Variants in HS3ST5 observed in about 807,000 individuals in gnomAD.
The protein encoded by HS3ST5 is heparan sulfate glucosamine 3-O-sulfotransferase 5.
In HS3ST5, 10 loss-of-function variants were observed where a neutral mutation model predicts 25.4. That is an observed-to-expected ratio of 0.39 (90% confidence interval 0.24 to 0.67). HS3ST5 has a LOEUF of 0.67. HS3ST5 is among the 30% of genes least tolerant of loss of function. The pLI, the probability that HS3ST5 is intolerant of heterozygous loss-of-function variation, is 0.44. For synonymous variants in HS3ST5, 170 were observed against 162.4 expected (o/e 1.05, Z -0.36); for missense variants, 324 against 420.7 (o/e 0.77, Z 2.01).
chr6:114,118,099 T>A (rs957871873), intron 3 of HS3ST5, among the ~76,000 whole-genome samples: 11 of 152,324 alleles, frequency 7.2e-5, no homozygotes, highest in East Asian at 5.8e-4. Flanking sequence ...AGAGGCCTTC[T>A]TTGCATAGCA....
chr6:114,290,516 C>T (rs1383841183), intron 1 of HS3ST5, among the ~76,000 whole-genome samples: 1 of 152,098 alleles, frequency 6.6e-6, no homozygotes, highest in East Asian at 1.9e-4. Flanking sequence ...GAGAAGATCA[C>T]ACAGAAACCG....
chr6:114,296,762 T>C (rs997001999), intron 1 of HS3ST5, among the ~76,000 whole-genome samples: 3 of 152,118 alleles, frequency 2.0e-5, no homozygotes, highest in Admixed American at 2.0e-4. Context: ...AAACAAATGA[T>C]ACTCAAGACG....
chr6:114,292,939 T>G (rs1416405106), intron 1 of HS3ST5, among the ~76,000 whole-genome samples: 4 of 146,632 alleles, frequency 2.7e-5, no homozygotes, highest in African/African-American at 1.1e-4. Context: ...TATTTTTTGT[T>G]TTTTTTTTTC....
intron 1 of HS3ST5, among the ~76,000 whole-genome samples, chr6:114,247,550 A>G (rs1404671220): frequency 6.6e-6 from 1 of 152,108 alleles, no homozygotes; most frequent in African/African-American, 2.4e-5. Flanking sequence ...TCAATTTATA[A>G]ATCACAAATT....
At chr6:114,307,165 A>G (rs1775331099) in intron 1 of HS3ST5, among the ~76,000 whole-genome samples, 1 of 152,218 alleles carries the variant, frequency 6.6e-6, no homozygotes, top group African/African-American at 2.4e-5. Flanking sequence ...CAAACTTTGT[A>G]GGCACTAAGA....
At chr6:114,296,126 A>G (rs930511695) in intron 1 of HS3ST5, among the ~76,000 whole-genome samples, 9 of 152,160 alleles carry the variant, frequency 5.9e-5, no homozygotes, top group African/African-American at 2.2e-4. Flanking sequence ...GAGTGCAAAA[A>G]TAGCAGAAGT....
At chr6:114,261,071 CA>C (rs979435030) in intron 1 of HS3ST5, among the ~76,000 whole-genome samples, 2 of 152,060 alleles carry the variant, frequency 1.3e-5, no homozygotes, top group African/African-American at 2.4e-5. Context: ...TCGAGTATGA[CA>C]GGGGCAGAAA....
At chr6:114,277,267 G>C (rs1773901234) in intron 1 of HS3ST5, among the ~76,000 whole-genome samples, 1 of 151,132 alleles carries the variant, frequency 6.6e-6, no homozygotes, top group African/African-American at 2.4e-5. Context: ...TAACCCAAGA[G>C]TGGCTCTTCT....
rs112243354 is a variant in HS3ST5, at chr6:114,084,676, A to T, written c.-32-21799T>A. The T allele has an allele frequency of 3.8e-3, 4,654 of 1,237,998 alleles. 44 individuals are homozygous for T. Among genetic ancestry groups the T allele is most frequent in the African/African-American group, 0.03 (2,010 of 67,662 alleles). The allele number at this position is 1,237,998 out of a possible 1,614,324, so 76.7% of individuals were successfully genotyped here. A position where few individuals can be genotyped will look rare whatever the true frequency, so the allele number is the denominator to read the frequency against. On this transcript the variant is annotated intron_variant, in intron 3 of 4. Coordinates refer to ENST00000312719, the MANE Select transcript of HS3ST5 (RefSeq NM_153612.4). ...GAGGCTGATGGTCAGCCCTGGGGTC[A>T]GTAACCACAAGAAGCCGTGGCTCCT...
At chr6:114,121,531 G>C (rs1776784873) in intron 3 of HS3ST5, among the ~76,000 whole-genome samples, 1 of 151,714 alleles carries the variant, frequency 6.6e-6, no homozygotes, top group African/African-American at 2.4e-5. Context: ...GTAATATCTT[G>C]GTTTGTGACT....
chr6:114,322,133 TTC>T (rs1775994199), intron 1 of HS3ST5, among the ~76,000 whole-genome samples: 1 of 152,168 alleles, frequency 6.6e-6, no homozygotes, highest in African/African-American at 2.4e-5. Flanking sequence ...CTTTCAGAAT[TTC>T]TGTCACAAAG....
At chr6:114,115,292 C>A (rs1776464268) in intron 3 of HS3ST5, among the ~76,000 whole-genome samples, 1 of 151,990 alleles carries the variant, frequency 6.6e-6, no homozygotes, top group African/African-American at 2.4e-5. Context: ...CATTTACAAA[C>A]AAGAAACAAT....
At position 114,278,185 on chromosome 6, in the gene HS3ST5, C is replaced by T. The variant is rs868439460; in HGVS notation, c.-338-49407G>A. On this transcript the variant is annotated intron_variant, in intron 1 of 4. Coordinates refer to ENST00000312719, the MANE Select transcript of HS3ST5 (RefSeq NM_153612.4). ...CATGTGCTCTTCAATTATTCTTATG[C>T]GATTTATATAGCTCCATAAATGAAC... 3.3e-5 allele frequency among the ~76,000 whole-genome samples: 5 copies of T among 151,926 alleles called. 1 individual carries two copies. Among genetic ancestry groups the T allele is most frequent in the Admixed American group, 2.0e-4 (3 of 15,236 alleles).
chr6:114,223,659 A>G (rs1374000581), intron 2 of HS3ST5, among the ~76,000 whole-genome samples: 1 of 151,782 alleles, frequency 6.6e-6, no homozygotes, highest in Non-Finnish European at 1.5e-5. Context: ...AGTTTTATGC[A>G]TACGTTTACA....
intron 3 of HS3ST5, among the ~76,000 whole-genome samples, chr6:114,147,381 A>G (rs1406625323): frequency 1.3e-5 from 2 of 152,206 alleles, no homozygotes; most frequent in African/African-American, 4.8e-5. Context: ...ACATCACTTA[A>G]GAGGGTTGTT....
intron 2 of HS3ST5, among the ~76,000 whole-genome samples, chr6:114,219,006 T>C (rs1222892379): frequency 6.6e-6 from 1 of 152,226 alleles, no homozygotes; most frequent in Admixed American, 6.5e-5. Flanking sequence ...GGCATTTCTT[T>C]GTTACCCGTA....
chr6:114,131,623 C>A (rs1469551920), intron 3 of HS3ST5, among the ~76,000 whole-genome samples: 1 of 152,186 alleles, frequency 6.6e-6, no homozygotes, highest in African/African-American at 2.4e-5. Flanking sequence ...TAAAATACTT[C>A]TTTCAGGAAA....
In HS3ST5 at chr6:114,228,298, T is replaced by C. The variant is rs373230512; in HGVS notation, c.-145+287A>G. ...CATGTGACTCCTATGCACATTAAAC[T>C]TTGAGAACCACAGTATGTTAATGCT... On this transcript the variant is annotated intron_variant, in intron 2 of 4. Coordinates refer to ENST00000312719, the MANE Select transcript of HS3ST5 (RefSeq NM_153612.4). Among the ~76,000 whole-genome samples the C allele has an allele frequency of 2.9e-3, 439 of 152,290 alleles. 4 individuals are homozygous for C. The highest frequency in any genetic ancestry group is 0.024 in the South Asian group (117 of 4,830).
At chr6:114,185,934 A>G (rs1484150645) in intron 2 of HS3ST5, among the ~76,000 whole-genome samples, 1 of 151,832 alleles carries the variant, frequency 6.6e-6, no homozygotes, top group Non-Finnish European at 1.5e-5. Flanking sequence ...GGGTCTCCCT[A>G]TTTTGCCCCA....
Sources: gnomAD v4.1 joint callset for allele counts (sites outside exome capture counted in the v4.1 genomes callset) on GRCh38, gnomAD v4.1.1 for gene constraint, MANE v1.5 for transcripts, NCBI Gene and HGNC (gene_info 2026-07-23, HGNC 2026-07-21) for gene names.